TTK: variants seen among roughly 807,000 people sequenced by gnomAD.
TTK encodes TTK protein kinase, also known as dual specificity protein kinase TTK.
A neutral mutation model predicts 117.3 loss-of-function variants in TTK; 59 were observed. The observed-to-expected ratio is 0.50, with a 90% CI of 0.41 to 0.62. The LOEUF is 0.62. Ranked by LOEUF, TTK falls within the 20% of genes least tolerant of loss-of-function variation. The pLI, the probability that TTK is intolerant of heterozygous loss-of-function variation, is 0.00. For missense variants in TTK, 921 were observed against 989.4 expected (o/e 0.93, Z 0.93); for synonymous variants, 302 against 325.0 (o/e 0.93, Z 0.76).
intron 9 of TTK, among the ~76,000 whole-genome samples, chr6:80,014,233 A>T (rs912883899): frequency 4.6e-5 from 7 of 152,308 alleles, no homozygotes; most frequent in Non-Finnish European, 1.0e-4. Flanking sequence ...ATTGATTAAT[A>T]CATCCACTGA....
chr6:80,015,380 A>G (rs1208145422), intron 10 of TTK, among the ~76,000 whole-genome samples: 3 of 152,174 alleles, frequency 2.0e-5, no homozygotes, highest in Non-Finnish European at 4.4e-5. Flanking sequence ...ACCATTAAAG[A>G]TATTTAAACA....
At chr6:80,042,072 C>A in intron 21 of TTK, 47 bp from the exon 22 acceptor site, 1 of 1,223,006 alleles carries the variant, frequency 8.2e-7, no homozygotes, top group East Asian at 2.4e-5. Context: ...TGTGACAGTA[C>A]ATTTAACTAA....
intron 17 of TTK, chr6:80,037,525 T>C (rs899297212): frequency 1.3e-5 from 2 of 152,740 alleles, no homozygotes; most frequent in African/African-American, 2.4e-5. Flanking sequence ...TTAAAAAATA[T>C]ATTTTTTTAA....
intron 14 of TTK, among the ~76,000 whole-genome samples, chr6:80,034,255 A>G (rs1289312918): frequency 6.6e-6 from 1 of 152,132 alleles, no homozygotes; most frequent in African/African-American, 2.4e-5. Flanking sequence ...TCATGGGGTA[A>G]TGAGAATGGT....
intron 11 of TTK, among the ~76,000 whole-genome samples, chr6:80,025,755 G>A (rs1443389282): frequency 6.6e-6 from 1 of 152,144 alleles, no homozygotes; most frequent in Non-Finnish European, 1.5e-5. Flanking sequence ...CAGGCAGCAG[G>A]CCACATTCAG....
intron 17 of TTK, 96 bp from the exon 18 acceptor site, chr6:80,037,865 TATAATA>T (rs3049175): frequency 0.4 from 164,135 of 409,110 alleles, 31,028 homozygotes; most frequent in East Asian, 0.63. Flanking sequence ...AAACTTAAAG[TATAATA>T]ATAATAATAA....
chr6:80,018,422 C>T (rs1767368792), intron 10 of TTK, among the ~76,000 whole-genome samples: 1 of 150,900 alleles, frequency 6.6e-6, no homozygotes, highest in Non-Finnish European at 1.5e-5. Context: ...TCGAAACTAG[C>T]CTGGCCAGTG....
intron 10 of TTK, among the ~76,000 whole-genome samples, chr6:80,020,845 C>A (rs1767439859): frequency 6.6e-6 from 1 of 152,170 alleles, no homozygotes; most frequent in Non-Finnish European, 1.5e-5. Context: ...TTCAAAGCAC[C>A]CTTGGAAAGA....
chr6:80,007,358 G>T (rs1204631831), intron 2 of TTK, among the ~76,000 whole-genome samples: 1 of 152,122 alleles, frequency 6.6e-6, no homozygotes, highest in African/African-American at 2.4e-5. Context: ...TGTAAAGAAG[G>T]TTATGTTAGG....
intron 13 of TTK, among the ~76,000 whole-genome samples, chr6:80,028,371 G>T (rs1767664759): frequency 6.6e-6 from 1 of 151,694 alleles, no homozygotes; most frequent in Non-Finnish European, 1.5e-5. Flanking sequence ...AAGCTGGAGT[G>T]CAGTGGCGCG....
Position 80,042,472 on chromosome 6 carries a change from T to A in TTK, c.*270T>A, listed in dbSNP as rs963806515. The A allele has an allele frequency of 9.1e-6, 2 of 219,188 alleles. No individual in the cohort carries two copies. The highest frequency in any genetic ancestry group is 1.8e-5 in the Non-Finnish European group (2 of 111,558). 13.6% of individuals were successfully genotyped at this position (219,188 alleles called of 1,614,324 possible). On this transcript the variant is annotated 3_prime_UTR_variant, in exon 22 of 22. Transcript: ENST00000369798. ...CTTGGAATAGTGGGTGGATAGCAAG[T>A]ATATTCTAAAAAACTTTGTAAATAA...
At chr6:80,033,264 G>T (rs143466684) in intron 14 of TTK, among the ~76,000 whole-genome samples, 112 of 152,190 alleles carry the variant, frequency 7.4e-4, no homozygotes, top group African/African-American at 2.6e-3. Flanking sequence ...GTTCCTCCTG[G>T]CTTATTTTAA....
rs181345917 is a variant in TTK at position 80,018,195 on chromosome 6, C to G, written c.1108+3609C>G. On this transcript the variant is annotated intron_variant, in intron 10 of 21. Coordinates refer to ENST00000369798, the MANE Select transcript of TTK (RefSeq NM_003318.5). The stretch of plus-strand genomic sequence containing the variant: ...AAGACCTTGTCTCAAAAAAAAAAAA[C>G]TTTGTTGTTAGTTTATAAAAAATAT... Among the ~76,000 whole-genome samples, 196 of 151,340 alleles carry G rather than the reference C, an allele frequency of 1.3e-3. 1 individual carries two copies. The highest frequency in any genetic ancestry group is 4.7e-3 in the African/African-American group (194 of 41,136).
chr6:80,040,642 A>T lies in TTK; in HGVS notation c.2429A>T (p.Lys810Ile). 2 of 1,611,980 alleles carry T rather than the reference A, an allele frequency of 1.2e-6. No individual in the cohort carries two copies. The highest frequency in any genetic ancestry group is 1.3e-5 in the African/African-American group (1 of 74,948). Reference protein sequence around the residue: ...QMAKGTTEEMKYVLGQLVGLN... With the variant: ...QMAKGTTEEMIYVLGQLVGLN... Reference sequence around the variant, plus strand: ...GCCAAGGGAACCACTGAAGAAATGAAATATGTTCTGGGCCAACTTGTTGGT... The same window carrying T: ...GCCAAGGGAACCACTGAAGAAATGATATATGTTCTGGGCCAACTTGTTGGT... The change falls in exon 21 of 22, where the codon AAA (lysine) becomes ATA (isoleucine). Residue 810 changes from lysine to isoleucine, a missense_variant. By Grantham distance (102) the Lys-to-Ile change is moderately radical. Coordinates refer to ENST00000369798, the MANE Select transcript of TTK (RefSeq NM_003318.5).
intron 10 of TTK, among the ~76,000 whole-genome samples, chr6:80,020,521 G>A (rs1333575101): frequency 6.6e-6 from 1 of 152,182 alleles, no homozygotes; most frequent in Non-Finnish European, 1.5e-5. Context: ...AGCTTTAGAA[G>A]ACTGTTTAAT....
In TTK at chr6:80,005,998, C is replaced by A; in HGVS notation, c.139+16C>A. On this transcript the variant is annotated intron_variant, in intron 2 of 21. Coordinates refer to ENST00000369798, the MANE Select transcript of TTK (RefSeq NM_003318.5). ...GATACTACAGGTGAGTTTTTCTTTTCTTTTAAGTTAGTAACTGTTTGTTGG... is the reference window on the plus strand; with the variant it reads ...GATACTACAGGTGAGTTTTTCTTTTATTTTAAGTTAGTAACTGTTTGTTGG... 6.3e-7 allele frequency: 1 copy of A among 1,596,572 alleles called. No homozygotes were observed.
chr6:80,014,698 C>A, intron 10 of TTK, 112 bp downstream of exon 10: 2 of 1,141,442 alleles, frequency 1.8e-6, no homozygotes, highest in Non-Finnish European at 2.4e-6. Flanking sequence ...TGTCTATGTT[C>A]TTTTATCTTG....
rs1435699865 is a variant in TTK, at chr6:80,040,259, G to A, written c.2371G>A (p.Val791Ile). Residue 791 changes from valine (V) to isoleucine (I), a missense_variant, in exon 20 of 22, where the codon GTT becomes ATT. Transcript: ENST00000369798. ...TCCTGAGCTCCTGGCTCATCCATAT[G>A]TTCAAATTCAAACTCATCCAGGTAC... ...SIPELLAHPY[V>I]QIQTHPVNQM... The A allele has an allele frequency of 6.3e-7, 1 of 1,587,642 alleles. No individual in the cohort carries two copies. The highest frequency in any genetic ancestry group is 8.6e-7 in the Non-Finnish European group (1 of 1,168,326).
chr6:80,042,252 G>C lies in TTK; in HGVS notation c.*50G>C. 7.1e-7 allele frequency: 1 copy of C among 1,403,202 alleles called. No homozygotes were observed. Among genetic ancestry groups the C allele is most frequent in the South Asian group, 1.3e-5 (1 of 77,740 alleles). The allele number at this position is 1,403,202 out of a possible 1,614,324, so 86.9% of individuals were successfully genotyped here. A position where few individuals can be genotyped will look rare whatever the true frequency, so the allele number is the denominator to read the frequency against. On this transcript the variant is annotated 3_prime_UTR_variant, in exon 22 of 22. Transcript: ENST00000369798. ...TACCACCTATAAAATATATTGGACT[G>C]TTATACTCTTGAATCCCTGTGGAAA...
Sources: gnomAD v4.1 joint callset for allele counts (sites outside exome capture counted in the v4.1 genomes callset) on GRCh38, gnomAD v4.1.1 for gene constraint, MANE v1.5 for transcripts, NCBI Gene and HGNC (gene_info 2026-07-23, HGNC 2026-07-21) for gene names.